The following CNBD1 variants were observed in gnomAD, a reference collection of about 807,000 sequenced individuals.
CNBD1 encodes cyclic nucleotide binding domain containing 1, also known as cyclic nucleotide-binding domain-containing protein 1.
Under a neutral mutation model 54.4 loss-of-function variants are expected in CNBD1, and 71 were observed. The observed-to-expected ratio is 1.30, with a 90% CI of 1.08 to 1.59. The LOEUF (loss-of-function observed/expected upper bound fraction) is 1.59, where lower values mean the gene tolerates loss of function less well. Among genes scored for constraint, CNBD1 ranks in the 40% most tolerant of loss-of-function variants. The pLI, the probability that CNBD1 is intolerant of heterozygous loss-of-function variation, is 0.00. For missense variants in CNBD1, 659 were observed against 518.0 expected (o/e 1.27, Z -2.64); for synonymous variants, 182 against 170.7 (o/e 1.07, Z -0.51).
chr8:87,389,705 C>T (rs1365961690), intron 2 of CNBD1, among the ~76,000 whole-genome samples: 1 of 152,062 alleles, frequency 6.6e-6, no homozygotes, highest in Non-Finnish European at 1.5e-5. Context: ...CAATGCCATC[C>T]CCATCAAGAT....
intron 4 of CNBD1, among the ~76,000 whole-genome samples, chr8:87,073,096 G>A (rs183474052): frequency 4.0e-5 from 6 of 151,360 alleles, no homozygotes; most frequent in African/African-American, 1.2e-4. Context: ...TCCTCTGCTT[G>A]TTGTATTCTG....
At chr8:86,896,814 T>C (rs1255989790) in intron 2 of CNBD1, among the ~76,000 whole-genome samples, 1 of 152,168 alleles carries the variant, frequency 6.6e-6, no homozygotes, top group African/African-American at 2.4e-5. Context: ...TTCTGCAACA[T>C]GAGTTAATCA....
intron 10 of CNBD1, among the ~76,000 whole-genome samples, chr8:87,364,871 A>G (rs1224728349): frequency 6.6e-6 from 1 of 151,954 alleles, no homozygotes; most frequent in Non-Finnish European, 1.5e-5. Context: ...GTGTACCACA[A>G]TTTCTTTATC....
intron 4 of CNBD1, among the ~76,000 whole-genome samples, chr8:87,175,932 C>G (rs1350847685): frequency 2.0e-5 from 3 of 152,158 alleles, no homozygotes; most frequent in Non-Finnish European, 4.4e-5. Flanking sequence ...TAGGGCGGGT[C>G]TGAATACCCC....
chr8:87,216,205 G>C (rs1383369217), intron 5 of CNBD1, among the ~76,000 whole-genome samples: 3 of 152,128 alleles, frequency 2.0e-5, no homozygotes, highest in African/African-American at 7.2e-5. Flanking sequence ...CCCTGTGATT[G>C]AAATCAATTT....
intron 3 of CNBD1, among the ~76,000 whole-genome samples, chr8:86,914,962 G>C (rs1014423192): frequency 2.0e-5 from 3 of 152,186 alleles, no homozygotes; most frequent in African/African-American, 7.2e-5. Flanking sequence ...TGCCCAGATA[G>C]AGCCAATTTA....
At chr8:87,243,582 C>T (rs1287427966) in intron 6 of CNBD1, among the ~76,000 whole-genome samples, 1 of 152,094 alleles carries the variant, frequency 6.6e-6, no homozygotes, top group East Asian at 1.9e-4. Flanking sequence ...TACCCTGGTT[C>T]CCTAAATCTT....
rs186222782 is a variant in CNBD1, at chr8:87,275,150, A to G, written c.772-9528A>G. On this transcript the variant is annotated intron_variant, in intron 6 of 10. Coordinates refer to ENST00000518476, the MANE Select transcript of CNBD1 (RefSeq NM_173538.3). ...TGATCTGTATGTCTGTTTTGGTACCAGTACCATGCTGTTTTGGTTACCGTA... is the reference window on the plus strand; with the variant it reads ...TGATCTGTATGTCTGTTTTGGTACCGGTACCATGCTGTTTTGGTTACCGTA... Among the ~76,000 whole-genome samples, 615 of 141,026 alleles carry G rather than the reference A, an allele frequency of 4.4e-3. 47 individuals carry two copies. The highest frequency in any genetic ancestry group is 0.016 in the African/African-American group (588 of 36,026). 92.5% of individuals were successfully genotyped at this position (141,026 alleles called of 152,430 possible).
At chr8:87,040,290 A>G (rs1325230435) in intron 4 of CNBD1, among the ~76,000 whole-genome samples, 1 of 152,216 alleles carries the variant, frequency 6.6e-6, no homozygotes, top group Non-Finnish European at 1.5e-5. Context: ...CAGCTTGGAG[A>G]TTAAAAGCAA....
chr8:87,138,117 C>A (rs975619893), intron 4 of CNBD1, among the ~76,000 whole-genome samples: 1 of 152,112 alleles, frequency 6.6e-6, no homozygotes, highest in Non-Finnish European at 1.5e-5. Flanking sequence ...AGGAAAGGCA[C>A]AAAAGTCCTG....
In CNBD1 at chr8:86,897,621, A is replaced by G. The variant is rs145568307; in HGVS notation, c.159-7460A>G. 2.0e-4 allele frequency among the ~76,000 whole-genome samples: 31 copies of G among 152,370 alleles called. 1 individual carries two copies. In the East Asian group the frequency reaches 6.0e-3, roughly 29 times the overall value. On this transcript the variant is annotated intron_variant, in intron 2 of 10. Transcript: ENST00000518476. ...AAGGCAGAGGAACACAGCCAATTCCAGAAATGTCACCAGTAACAGGATAAA... is the reference window on the plus strand; with the variant it reads ...AAGGCAGAGGAACACAGCCAATTCCGGAAATGTCACCAGTAACAGGATAAA...
chr8:87,308,316 C>CA (rs935357608), intron 8 of CNBD1, among the ~76,000 whole-genome samples: 11 of 151,892 alleles, frequency 7.2e-5, no homozygotes, highest in Admixed American at 1.3e-4. Flanking sequence ...CAATTTTTAC[C>CA]AAAAAAATCA....
chr8:86,989,246 A>T (rs917216910), intron 4 of CNBD1, among the ~76,000 whole-genome samples: 19 of 152,114 alleles, frequency 1.2e-4, no homozygotes, highest in African/African-American at 4.6e-4. Context: ...GTGAGCTGCG[A>T]TCATGCCACT....
chr8:87,092,399 GTGTGTGTATATGTGTGTGTA>G (rs1811225331), intron 4 of CNBD1, among the ~76,000 whole-genome samples: 8 of 145,390 alleles, frequency 5.5e-5, no homozygotes, highest in Non-Finnish European at 1.2e-4. Flanking sequence ...ATATATGTGT[GTGTGTGTATATGTGTGTGTA>G]TGTATGTATG....
intron 4 of CNBD1, among the ~76,000 whole-genome samples, chr8:86,956,224 G>T (rs575990004): frequency 6.6e-6 from 1 of 152,038 alleles, no homozygotes; most frequent in Admixed American, 6.6e-5. Flanking sequence ...TGCTGTTTTG[G>T]TTACTGTAGC....
rs554614706 is a variant in CNBD1 at position 87,287,544 on chromosome 8, G to A, written c.1042+873G>A. Among the ~76,000 whole-genome samples the A allele has an allele frequency of 2.0e-5, 3 of 152,276 alleles. No homozygotes were observed. In the South Asian group the frequency reaches 6.2e-4, roughly 32 times the overall value. ...ATAGTGAGGGACATTTTTAATTTAA[G>A]TTTGAGATTAAAGTTCTAAAACGAA... On this transcript the variant is annotated intron_variant, in intron 8 of 10. Coordinates refer to ENST00000518476, the MANE Select transcript of CNBD1 (RefSeq NM_173538.3).
chr8:87,087,589 G>T (rs1282782581), intron 4 of CNBD1, among the ~76,000 whole-genome samples: 1 of 149,264 alleles, frequency 6.7e-6, no homozygotes, highest in Non-Finnish European at 1.5e-5. Flanking sequence ...TCAGCCTCCC[G>T]AGTAGCTGGG....
chr8:87,131,327 C>T (rs564994160), intron 4 of CNBD1, among the ~76,000 whole-genome samples: 3 of 152,040 alleles, frequency 2.0e-5, no homozygotes, highest in African/African-American at 7.2e-5. Flanking sequence ...TATCTATTTG[C>T]TTTAAAATTA....
chr8:87,248,741 C>G (rs1047533936), intron 6 of CNBD1, among the ~76,000 whole-genome samples: 4 of 152,154 alleles, frequency 2.6e-5, no homozygotes, highest in Non-Finnish European at 5.9e-5. Context: ...CTTTTGATGT[C>G]CCCTCATTGG....
Sources: gnomAD v4.1 joint callset for allele counts (sites outside exome capture counted in the v4.1 genomes callset) on GRCh38, gnomAD v4.1.1 for gene constraint, MANE v1.5 for transcripts, NCBI Gene and HGNC (gene_info 2026-07-23, HGNC 2026-07-21) for gene names.